Variants in KCNH8 observed in about 807,000 individuals in gnomAD.
KCNH8 encodes potassium voltage-gated channel subfamily H member 8.
A neutral mutation model predicts 103.6 loss-of-function variants in KCNH8; 70 were observed. That is an observed-to-expected ratio of 0.68 (90% confidence interval 0.56 to 0.82). The LOEUF is 0.82. KCNH8 is among the 40% of genes least tolerant of loss of function. The pLI is 0.00. For missense variants in KCNH8, 1,217 were observed against 1,329.9 expected, an observed-to-expected ratio of 0.92 and a Z score of 1.32; for synonymous variants, 498 against 489.4, an observed-to-expected ratio of 1.02 and a Z score of -0.23.
At chr3:19,319,790 A>C (rs2065325280) in intron 3 of KCNH8, among the ~76,000 whole-genome samples, 1 of 152,116 alleles carries the variant, frequency 6.6e-6, no homozygotes, top group Non-Finnish European at 1.5e-5. Flanking sequence ...GATTCTACCC[A>C]TTCATGAGCA....
intron 1 of KCNH8, among the ~76,000 whole-genome samples, chr3:19,248,527 T>C (rs2064234954): frequency 6.6e-6 from 1 of 152,214 alleles, no homozygotes; most frequent in Non-Finnish European, 1.5e-5. Context: ...TTTTGGAGAC[T>C]GAAATAGGTA....
intron 2 of KCNH8, among the ~76,000 whole-genome samples, chr3:19,260,932 C>T (rs1025927556): frequency 4.7e-5 from 7 of 148,000 alleles, no homozygotes; most frequent in African/African-American, 1.7e-4. Flanking sequence ...TGACAAATGG[C>T]AGGATCTCCT....
At chr3:19,481,897 T>G (rs1404340443) in intron 11 of KCNH8, among the ~76,000 whole-genome samples, 1 of 152,156 alleles carries the variant, frequency 6.6e-6, no homozygotes, top group Non-Finnish European at 1.5e-5. Flanking sequence ...GTTCTTAACT[T>G]GATGGATGAA....
chr3:19,175,220 A>ATTT (rs200814505), intron 1 of KCNH8, among the ~76,000 whole-genome samples: 43 of 137,670 alleles, frequency 3.1e-4, no homozygotes, highest in African/African-American at 1.1e-3. Flanking sequence ...CTGTTTTGTA[A>ATTT]TTTTTTTTTT....
rs760239055 is a variant in KCNH8 at position 19,390,499 on chromosome 3, G to A, written c.830G>A (p.Arg277Gln). 18 of 1,608,054 alleles carry A rather than the reference G, an allele frequency of 1.1e-5. No individual in the cohort carries two copies. Among genetic ancestry groups the A allele is most frequent in the East Asian group, 4.5e-5 (2 of 44,598 alleles). The change falls in exon 6 of 16, where the codon CGA becomes CAA. Residue 277 changes from arginine to glutamine, a missense_variant. Transcript: ENST00000328405. ...LFIIDIILNF[R>Q]TTYVSKSGQV... is the part of the protein sequence containing the mutation. Reference sequence around the variant, plus strand: ...CAAGCAGATATTATTTTAAATTTCCGAACAACTTATGTCAGCAAGTCTGGC... The same window carrying A: ...CAAGCAGATATTATTTTAAATTTCCAAACAACTTATGTCAGCAAGTCTGGC...
At chr3:19,515,292 C>A in intron 13 of KCNH8, 30 bp from the exon 14 acceptor site, 1 of 1,277,974 alleles carries the variant, frequency 7.8e-7, no homozygotes, top group Non-Finnish European at 1.1e-6. Flanking sequence ...TATGAATCCA[C>A]AGCCAGCCAA....
At chr3:19,517,695 A>C (rs1395067110) in intron 14 of KCNH8, among the ~76,000 whole-genome samples, 2 of 152,016 alleles carry the variant, frequency 1.3e-5, no homozygotes, top group South Asian at 2.1e-4. Context: ...TGGTCAAAGA[A>C]AAGAAAATGT....
chr3:19,266,713 A>G (rs994225515), intron 2 of KCNH8, among the ~76,000 whole-genome samples: 1 of 152,186 alleles, frequency 6.6e-6, no homozygotes, highest in African/African-American at 2.4e-5. Context: ...TTGAAGCCCT[A>G]TATTGCTTCC....
At chr3:19,479,576 G>T (rs2068046066) in intron 11 of KCNH8, among the ~76,000 whole-genome samples, 1 of 152,114 alleles carries the variant, frequency 6.6e-6, no homozygotes, top group African/African-American at 2.4e-5. Context: ...TTCTCCAGAG[G>T]TTTCCATTTA....
At chr3:19,523,143 C>T (rs1421271564) in intron 15 of KCNH8, among the ~76,000 whole-genome samples, 4 of 151,760 alleles carry the variant, frequency 2.6e-5, no homozygotes, top group Admixed American at 2.6e-4. Context: ...AGAGACCAAG[C>T]TCTTATTGCT....
At chr3:19,344,096 C>A (rs17005851) in intron 4 of KCNH8, among the ~76,000 whole-genome samples, 1 of 151,570 alleles carries the variant, frequency 6.6e-6, no homozygotes, top group African/African-American at 2.4e-5. Flanking sequence ...ACAGTGCACA[C>A]CACTTGATCT....
intron 5 of KCNH8, among the ~76,000 whole-genome samples, chr3:19,351,933 C>T (rs1375738023): frequency 1.3e-5 from 2 of 152,106 alleles, no homozygotes; most frequent in Non-Finnish European, 2.9e-5. Flanking sequence ...TTAAAAGACA[C>T]AGACTGGCAA....
Position 19,187,027 on chromosome 3 carries a change from AACTT to A in KCNH8, c.76+38233_76+38236del, listed in dbSNP as rs566658292. 1.2e-3 allele frequency among the ~76,000 whole-genome samples: 179 copies of A among 152,176 alleles called. 2 individuals carry two copies. The highest frequency in any genetic ancestry group is 3.7e-3 in the African/African-American group (152 of 41,566). On this transcript the variant is annotated intron_variant, in intron 1 of 15. Coordinates refer to ENST00000328405, the MANE Select transcript of KCNH8 (RefSeq NM_144633.3). ...AATGGGCATAATTATGTCAGAATAA[AACTT>A]TATTTATGGACATTGGAATTCAAAT...
chr3:19,382,397 C>T (rs973773552), intron 5 of KCNH8, among the ~76,000 whole-genome samples: 4 of 152,002 alleles, frequency 2.6e-5, no homozygotes, highest in African/African-American at 4.8e-5. Flanking sequence ...ATTAAATAGA[C>T]GTATTACTTA....
At chr3:19,383,213 A>G (rs189005971) in intron 5 of KCNH8, among the ~76,000 whole-genome samples, 2 of 152,342 alleles carry the variant, frequency 1.3e-5, no homozygotes, top group East Asian at 3.9e-4. Flanking sequence ...AAATGTGAAA[A>G]TGAACATAAT....
chr3:19,296,876 G>A (rs1033095996), intron 3 of KCNH8, among the ~76,000 whole-genome samples: 6 of 150,208 alleles, frequency 4.0e-5, no homozygotes, highest in Admixed American at 3.3e-4. Flanking sequence ...AAAAAAAAAA[G>A]ACATGAAAAG....
intron 1 of KCNH8, among the ~76,000 whole-genome samples, chr3:19,249,982 C>T (rs2064255181): frequency 6.6e-6 from 1 of 152,090 alleles, no homozygotes; most frequent in South Asian, 2.1e-4. Context: ...TGTCTCATGC[C>T]TGTAAACCCA....
chr3:19,438,495 C>T (rs1317975288), intron 8 of KCNH8, 134 bp downstream of exon 8: 2 of 745,542 alleles, frequency 2.7e-6, no homozygotes, highest in East Asian at 5.4e-5. Flanking sequence ...ACTAATTAGA[C>T]AGTCTAGATG....
At chr3:19,394,320 C>T (rs2066482038) in intron 6 of KCNH8, among the ~76,000 whole-genome samples, 1 of 152,020 alleles carries the variant, frequency 6.6e-6, no homozygotes, top group South Asian at 2.1e-4. Context: ...TTCTGGTCCA[C>T]ACCAATGATA....
Sources: allele counts gnomAD v4.1 joint callset (sites outside exome capture counted in the v4.1 genomes callset), GRCh38; gene constraint gnomAD v4.1.1; transcripts MANE v1.5; gene names NCBI Gene and HGNC (gene_info 2026-07-23, HGNC 2026-07-21).